Variants in CCND3 observed in about 807,000 individuals in gnomAD.
CCND3 encodes G1/S-specific cyclin-D3.
CCND3 carries 9 observed loss-of-function variants against 28.7 expected under a neutral mutation model. The ratio of observed to expected loss-of-function variants is 0.31; its 90% CI spans 0.19 to 0.55. The LOEUF (loss-of-function observed/expected upper bound fraction) is 0.55, where lower values mean the gene tolerates loss of function less well. CCND3 is among the 20% of genes least tolerant of loss of function. CCND3 has a pLI of 0.93. For synonymous variants in CCND3, 164 were observed against 163.9 expected, an observed-to-expected ratio of 1.00 and a Z score of 0.00; for missense variants, 315 against 385.8, an observed-to-expected ratio of 0.82 and a Z score of 1.54.
intron 1 of CCND3, among the ~76,000 whole-genome samples, chr6:42,022,666 C>A (rs191978921): frequency 6.6e-6 from 1 of 152,358 alleles, no homozygotes; most frequent in Non-Finnish European, 1.5e-5. Flanking sequence ...CTGGAGCAGT[C>A]ACAGGTGGCC....
At chr6:41,983,877 A>T (rs1762411405) in intron 1 of CCND3, among the ~76,000 whole-genome samples, 1 of 152,090 alleles carries the variant, frequency 6.6e-6, no homozygotes, top group South Asian at 2.1e-4. Context: ...GCAAACCACC[A>T]TGCTGTACAA....
At chr6:42,038,477 C>A (rs1223104386) in intron 1 of CCND3, among the ~76,000 whole-genome samples, 1 of 151,134 alleles carries the variant, frequency 6.6e-6, no homozygotes, top group Admixed American at 6.6e-5. Context: ...GAGGCAGGAG[C>A]TGCAGTGAGC....
intron 1 of CCND3, among the ~76,000 whole-genome samples, chr6:42,042,857 C>T (rs1410518583): frequency 1.3e-5 from 2 of 150,030 alleles, no homozygotes; most frequent in Non-Finnish European, 3.0e-5. Context: ...ATAGTTATGC[C>T]CATTTTACAG....
intron 1 of CCND3, among the ~76,000 whole-genome samples, chr6:42,017,381 C>T (rs1481057493): frequency 6.6e-6 from 1 of 152,258 alleles, no homozygotes; most frequent in Non-Finnish European, 1.5e-5. Flanking sequence ...ACCAGGGGAG[C>T]TGGCTGATAA....
At chr6:42,032,951 T>TG (rs1764085133) in intron 1 of CCND3, among the ~76,000 whole-genome samples, 1 of 152,234 alleles carries the variant, frequency 6.6e-6, no homozygotes, top group Non-Finnish European at 1.5e-5. Flanking sequence ...CTTATATTAG[T>TG]CAGTCCACTT....
intron 1 of CCND3, among the ~76,000 whole-genome samples, chr6:42,028,743 C>T (rs918678148): frequency 9.2e-5 from 14 of 152,190 alleles, no homozygotes; most frequent in Admixed American, 3.3e-4. Flanking sequence ...CTTCAGTTTC[C>T]TTATCTGCAC....
intron 1 of CCND3, among the ~76,000 whole-genome samples, chr6:41,975,161 T>C (rs889562002): frequency 2.6e-5 from 4 of 152,198 alleles, no homozygotes; most frequent in African/African-American, 9.6e-5. Flanking sequence ...AAAGAGTTTA[T>C]ACATACATGA....
At chr6:41,962,024 T>C (rs1561962872) in intron 1 of CCND3, among the ~76,000 whole-genome samples, 3 of 152,236 alleles carry the variant, frequency 2.0e-5, no homozygotes, top group Non-Finnish European at 4.4e-5. Flanking sequence ...TCCCATCTAA[T>C]ACTTGGACTC....
intron 1 of CCND3, among the ~76,000 whole-genome samples, chr6:41,996,895 C>T (rs1029313954): frequency 3.3e-5 from 5 of 152,020 alleles, no homozygotes; most frequent in African/African-American, 1.2e-4. Context: ...TATTTCTTGA[C>T]CTCATGATCC....
rs530813588 is a variant in CCND3, at chr6:41,961,079, T to C, written c.-45-20494A>G. Among the ~76,000 whole-genome samples the C allele has an allele frequency of 2.4e-3, 363 of 152,328 alleles. 3 individuals are homozygous for C. Among genetic ancestry groups the C allele is most frequent in the African/African-American group, 7.0e-3 (289 of 41,576 alleles). On this transcript the variant is annotated intron_variant, in intron 1 of 4. Coordinates refer to the CCND3 transcript ENST00000372988. The stretch of plus-strand genomic sequence containing the variant: ...GCTGAGCAGAAGCAACCCTCGTTTC[T>C]GAGCAAACAATCCAGGGGAGGTCAA...
At chr6:41,959,508 C>A (rs923179942) in intron 1 of CCND3, among the ~76,000 whole-genome samples, 5 of 151,612 alleles carry the variant, frequency 3.3e-5, no homozygotes, top group Non-Finnish European at 7.4e-5. Flanking sequence ...CATGGTGAAA[C>A]CCCGTCTCTA....
chr6:41,956,077 A>G (rs1237716599), intron 1 of CCND3, among the ~76,000 whole-genome samples: 1 of 152,128 alleles, frequency 6.6e-6, no homozygotes, highest in African/African-American at 2.4e-5. Flanking sequence ...GTGGATCACA[A>G]AGTCAGGAGT....
chr6:41,975,329 T>G (rs769191981), intron 1 of CCND3, among the ~76,000 whole-genome samples: 5 of 151,964 alleles, frequency 3.3e-5, no homozygotes, highest in Non-Finnish European at 5.9e-5. Flanking sequence ...CCTATGGAGG[T>G]TGGCTCTGTG....
chr6:42,007,186 CAT>C (rs1347419630), intron 1 of CCND3, among the ~76,000 whole-genome samples: 1 of 152,236 alleles, frequency 6.6e-6, no homozygotes, highest in Admixed American at 6.5e-5. Flanking sequence ...TTTGAAACAA[CAT>C]GTTTTTACTT....
At chr6:41,942,903 A>G (rs1451004736), upstream of CCND3, among the ~76,000 whole-genome samples, 1 of 137,276 alleles carries the variant, frequency 7.3e-6, no homozygotes, top group Non-Finnish European at 1.5e-5. Context: ...TTTTGAGACG[A>G]AGTCTCACTC....
At chr6:42,046,651 C>T (rs891444218) in intron 1 of CCND3, among the ~76,000 whole-genome samples, 3 of 152,150 alleles carry the variant, frequency 2.0e-5, no homozygotes, top group Non-Finnish European at 4.4e-5. Flanking sequence ...CACACACGCG[C>T]GCGCACACAC....
chr6:42,033,964 G>C (rs1051296746), intron 1 of CCND3, among the ~76,000 whole-genome samples: 1 of 152,136 alleles, frequency 6.6e-6, no homozygotes, highest in African/African-American at 2.4e-5. Flanking sequence ...AGACCAGCCT[G>C]GGCAACATAG....
intron 1 of CCND3, among the ~76,000 whole-genome samples, chr6:42,028,857 G>A (rs552384014): frequency 6.6e-6 from 1 of 152,288 alleles, no homozygotes; most frequent in Non-Finnish European, 1.5e-5. Flanking sequence ...ATACACGTTC[G>A]TGTTCGCTAT....
At chr6:41,972,866 T>C (rs545568534) in intron 1 of CCND3, among the ~76,000 whole-genome samples, 1,435 of 105,624 alleles carry the variant, frequency 0.014, 29 homozygotes, top group African/African-American at 0.061. Flanking sequence ...AAAATTTACA[T>C]ATATATATAT....
Sources: gnomAD v4.1 joint callset for allele counts (sites outside exome capture counted in the v4.1 genomes callset) on GRCh38, gnomAD v4.1.1 for gene constraint, MANE v1.5 for transcripts, NCBI Gene and HGNC (gene_info 2026-07-23, HGNC 2026-07-21) for gene names.